SCO2: variants seen among roughly 807,000 people sequenced by gnomAD.
SCO2 encodes the protein cytochrome c oxidase assembly factor SCO2.
For missense variants in SCO2, 429 were observed against 348.7 expected (o/e 1.23, Z -1.83); for synonymous variants, 195 against 148.6 (o/e 1.31, Z -2.27).
chr22:50,526,396 C>A, upstream of SCO2: 1 of 1,522,860 alleles, frequency 6.6e-7, no homozygotes, highest in South Asian at 1.2e-5. Context: ...AGGGCCGAGC[C>A]GTCGTCCAGC....
Position 50,525,591 on chromosome 22 carries a change from C to T in SCO2, c.-133G>A. The T allele has an allele frequency of 1.1e-6, 1 of 943,276 alleles. No individual in the cohort carries two copies. The highest frequency in any genetic ancestry group is 1.5e-5 in the South Asian group (1 of 66,728). The allele number at this position is 943,276 out of a possible 1,614,324, so 58.4% of individuals were successfully genotyped here. A position where few individuals can be genotyped will look rare whatever the true frequency, so the allele number is the denominator to read the frequency against. ...GCGCCACACGCTCACAGGCAGGGCG[C>T]AGGCGTCCCCGGAGCTGCGCATGCG... is the stretch of plus-strand genomic sequence containing the variant. On this transcript the variant is annotated 5_prime_UTR_variant, in exon 1 of 2. Coordinates refer to ENST00000395693, the MANE Select transcript of SCO2 (RefSeq NM_005138.3).
chr22:50,525,581 A>T lies in SCO2; in HGVS notation c.-123T>A. On this transcript the variant is annotated 5_prime_UTR_variant, in exon 1 of 2. Transcript: ENST00000395693. ...GGGAAAGCGGGCGCCACACGCTCAC[A>T]GGCAGGGCGCAGGCGTCCCCGGAGC... The T allele has an allele frequency of 1.2e-6, 1 of 856,124 alleles. No individual in the cohort carries two copies. The highest frequency in any genetic ancestry group is 1.8e-6 in the Non-Finnish European group (1 of 551,432). The allele number at this position is 856,124 out of a possible 1,614,324, so 53.0% of individuals were successfully genotyped here. A position where few individuals can be genotyped will look rare whatever the true frequency, so the allele number is the denominator to read the frequency against.
chr22:50,524,013 G>T lies in SCO2; in HGVS notation c.399C>A (p.Cys133Ter), dbSNP rs778022880. Residue 133 changes from cysteine (C) to a stop codon, truncating the protein, a stop_gained, in exon 2 of 2, where the codon TGC becomes TGA. Transcript: ENST00000395693. LOFTEE classifies it low-confidence loss of function (END_TRUNC). ...CCAGCTCGTCTGGGCAGATGTCAGG[G>T]CAGTGAGTGAAGCCAAAGTACATCA... ...WVLMYFGFTHCPDICPDELEK... is the reference protein window; with the variant it reads ...WVLMYFGFTH 1.9e-6 allele frequency: 3 copies of T among 1,613,418 alleles called. No homozygotes were observed. Among genetic ancestry groups the T allele is most frequent in the Non-Finnish European group, 2.5e-6 (3 of 1,180,028 alleles).
In SCO2 at chr22:50,524,065, T is replaced by A. The variant is rs761748851; in HGVS notation, c.347A>T (p.Lys116Met). Residue 116 changes from lysine to methionine, a missense_variant, in exon 2 of 2, where the codon AAG becomes ATG. By Grantham distance (95) the Lys-to-Met change is moderately conservative. Transcript: ENST00000395693. ...LLDHRGRARCKADFRGQWVLM... is the reference protein window; with the variant it reads ...LLDHRGRARCMADFRGQWVLM... ...CACCCACTGGCCCCGGAAGTCAGCC[T>A]TGCAGCGAGCCCGGCCTCTGTGATC... 6.2e-7 allele frequency: 1 copy of A among 1,613,290 alleles called. No homozygotes were observed. The highest frequency in any genetic ancestry group is 8.5e-7 in the Non-Finnish European group (1 of 1,180,010).
intron 1 of SCO2, among the ~76,000 whole-genome samples, chr22:50,525,136 C>A (rs767144125): frequency 4.9e-4 from 75 of 152,232 alleles, no homozygotes; most frequent in Admixed American, 1.1e-3. Flanking sequence ...CCGGTCACTG[C>A]CCCCTCCTGC....
At position 50,525,454 on chromosome 22, in the gene SCO2, C is replaced by A. The variant is rs1402185887; in HGVS notation, c.-14+18G>T. 2 of 439,262 alleles carry A rather than the reference C, an allele frequency of 4.6e-6. No homozygotes were observed. The highest frequency in any genetic ancestry group is 8.2e-6 in the Non-Finnish European group (2 of 243,834). 27.2% of individuals were successfully genotyped at this position (439,262 alleles called of 1,614,324 possible). Reference sequence around the variant, plus strand: ...TCCTCAGGGCTACCTCCTCCCCTCCCAGCCCCGGCGTCCGCACCTCGCGGC... The same window carrying A: ...TCCTCAGGGCTACCTCCTCCCCTCCAAGCCCCGGCGTCCGCACCTCGCGGC... On this transcript the variant is annotated intron_variant, in intron 1 of 1. Coordinates refer to ENST00000395693, the MANE Select transcript of SCO2 (RefSeq NM_005138.3).
chr22:50,526,264 GCTC>G (rs1569522110), upstream of SCO2: 2 of 1,538,336 alleles, frequency 1.3e-6, no homozygotes, highest in African/African-American at 1.4e-5. Flanking sequence ...GGCGCCAGCA[GCTC>G]CTCCTGCTCC....
chr22:50,526,274 C>T (rs757114146), upstream of SCO2: 3 of 1,543,106 alleles, frequency 1.9e-6, no homozygotes, highest in South Asian at 1.2e-5. Flanking sequence ...GCTCCTCCTG[C>T]TCCCGGGCGC....
intron 1 of SCO2, among the ~76,000 whole-genome samples, chr22:50,525,127 C>T (rs2069285197): frequency 6.6e-6 from 1 of 152,206 alleles, no homozygotes; most frequent in South Asian, 2.1e-4. Flanking sequence ...TCAGGACTCC[C>T]GGTCACTGCC....
chr22:50,525,677 G>T (rs1263257056), upstream of SCO2: 2 of 1,533,686 alleles, frequency 1.3e-6, no homozygotes, highest in South Asian at 1.2e-5. Flanking sequence ...GCCCGCCGGG[G>T]GTCACGTGTT....
At chr22:50,525,767 GC>G, upstream of SCO2, 1 of 1,610,702 alleles carries the variant, frequency 6.2e-7, no homozygotes, top group Non-Finnish European at 8.5e-7. Flanking sequence ...CGGCAAAGGA[GC>G]TTTATTGCTG....
chr22:50,526,240 G>C (rs894660145), upstream of SCO2: 2 of 1,536,714 alleles, frequency 1.3e-6, no homozygotes, highest in African/African-American at 1.4e-5. Context: ...CTCCCCCGAC[G>C]CTCACCATCT....
At position 50,523,654 on chromosome 22, in the gene SCO2, C is replaced by G; in HGVS notation, c.758G>C (p.Ser253Thr). 1 of 1,613,922 alleles carries G rather than the reference C, an allele frequency of 6.2e-7. No individual in the cohort carries two copies. Among genetic ancestry groups the G allele is most frequent in the Non-Finnish European group, 8.5e-7 (1 of 1,179,944 alleles). Residue 253 changes from serine (S) to threonine (T), a missense_variant, in exon 2 of 2, where the codon AGT becomes ACT. Ser to Thr is a moderately conservative substitution (Grantham distance 58, BLOSUM62 1). Transcript: ENST00000395693. The stretch of plus-strand genomic sequence containing the variant: ...GAAAGCCGCCATGTGCCGCCGCACA[C>G]TGTCTGAGATCTGCTCAGCCGATCT... Reference protein sequence around the residue: ...RSRSAEQISDSVRRHMAAFRS... With the variant: ...RSRSAEQISDTVRRHMAAFRS...
chr22:50,524,926 CTG>C (rs896676593), intron 1 of SCO2: 6 of 342,264 alleles, frequency 1.8e-5, no homozygotes, highest in African/African-American at 1.1e-4. Context: ...AGCTCAGACT[CTG>C]CCCGCCGGCT....
At position 50,524,015 on chromosome 22, in the gene SCO2, A is replaced by T. The variant is rs369595419; in HGVS notation, c.397T>A (p.Cys133Ser). Reference sequence around the variant, plus strand: ...AGCTCGTCTGGGCAGATGTCAGGGCAGTGAGTGAAGCCAAAGTACATCAGC... The same window carrying T: ...AGCTCGTCTGGGCAGATGTCAGGGCTGTGAGTGAAGCCAAAGTACATCAGC... ...WVLMYFGFTH[C>S]PDICPDELEK... Residue 133 changes from cysteine (C) to serine (S), a missense_variant, in exon 2 of 2, where the codon TGC becomes AGC. Cys to Ser is a moderately radical substitution (Grantham distance 112, BLOSUM62 -1). Coordinates refer to ENST00000395693, the MANE Select transcript of SCO2 (RefSeq NM_005138.3). 6.2e-7 allele frequency: 1 copy of T among 1,613,288 alleles called. No homozygotes were observed. The highest frequency in any genetic ancestry group is 8.5e-7 in the Non-Finnish European group (1 of 1,180,036).
intron 1 of SCO2, chr22:50,524,711 C>A: frequency 1.6e-6 from 1 of 626,708 alleles, no homozygotes; most frequent in Non-Finnish European, 3.1e-6. Context: ...TGACGGAAAG[C>A]ATTCCAAGTG....
At chr22:50,525,987 G>T (rs762057452), upstream of SCO2, 9 of 1,402,596 alleles carry the variant, frequency 6.4e-6, no homozygotes, top group African/African-American at 1.5e-5. Context: ...CAGCAGGGCG[G>T]GGGCGGCGCT....
Position 50,524,288 on chromosome 22 carries a change from C to G in SCO2, c.124G>C (p.Gly42Arg). Residue 42 changes from glycine (G) to arginine (R), a missense_variant, in exon 2 of 2, where the codon GGC becomes CGC. Transcript: ENST00000395693. ...CCCTGCCCACCTGTCTCTGCAGGGC[C>G]CTGCCTTGACAAAAGCCAGGACCTC... ...HLRSWLLSRQ[G>R]PAETGGQGQP... 1 of 1,603,352 alleles carries G rather than the reference C, an allele frequency of 6.2e-7. No homozygotes were observed. Among genetic ancestry groups the G allele is most frequent in the Non-Finnish European group, 8.5e-7 (1 of 1,179,862 alleles).
chr22:50,525,864 C>T (rs757481896), upstream of SCO2: 3 of 1,597,466 alleles, frequency 1.9e-6, no homozygotes, highest in Admixed American at 1.7e-5. Flanking sequence ...CAGGGCGCGG[C>T]TCTGCGGGCC....
Sources: gnomAD v4.1 joint callset for allele counts (sites outside exome capture counted in the v4.1 genomes callset) on GRCh38, gnomAD v4.1.1 for gene constraint, MANE v1.5 for transcripts, NCBI Gene and HGNC (gene_info 2026-07-23, HGNC 2026-07-21) for gene names.